The following TTN variants were observed in gnomAD, a reference collection of about 807,000 sequenced individuals.
TTN encodes the protein titin, also known as connectin.
TTN carries 1,525 observed loss-of-function variants against 3,223.0 expected under a neutral mutation model. The observed-to-expected ratio is 0.47, with a 90% CI of 0.45 to 0.49. The LOEUF (loss-of-function observed/expected upper bound fraction) is 0.49, where lower values mean the gene tolerates loss of function less well. TTN is among the 20% of genes least tolerant of loss of function. TTN has a pLI of 0.00. For missense variants in TTN, 40,786 were observed against 43,424.0 expected (o/e 0.94, Z 5.40); for synonymous variants, 14,094 against 15,161.0 (o/e 0.93, Z 5.17).
At position 178,784,114 on chromosome 2, in the gene TTN, C is replaced by T. The variant is rs141961878; in HGVS notation, c.2731G>A (p.Val911Ile). The stretch of plus-strand genomic sequence containing the variant: ...AGTACTTCAAAGCGCTCTTCACGGA[C>T]GGTGGTGCCAGTGATGCTCACCCCT... ...EVGVSITGTT[V>I]REERFEVLHG... Residue 911 changes from valine to isoleucine, a missense_variant, in exon 16 of 363, where the codon GTC (valine) becomes ATC (isoleucine). By Grantham distance (29) the Val-to-Ile change is conservative. Transcript: ENST00000589042. The T allele has an allele frequency of 1.5e-4, 244 of 1,613,890 alleles. No individual in the cohort carries two copies. Among genetic ancestry groups the T allele is most frequent in the Non-Finnish European group, 1.9e-4 (225 of 1,180,004 alleles).
intron 81 of TTN, 41 bp downstream of exon 81, chr2:178,719,942 A>G (rs373581790): frequency 7.7e-6 from 12 of 1,549,876 alleles, no homozygotes; most frequent in African/African-American, 5.5e-5. Flanking sequence ...ATCATGGATC[A>G]AGTAAATTGA....
At chr2:178,675,837 A>C in intron 148 of TTN, 83 bp from the exon 149 acceptor site, 9 of 1,536,552 alleles carry the variant, frequency 5.9e-6, no homozygotes, top group Non-Finnish European at 7.9e-6. Flanking sequence ...AAGTTGTATT[A>C]ACAAATACGG....
chr2:178,710,563 A>T, intron 98 of TTN, 72 bp downstream of exon 98: 1 of 1,492,800 alleles, frequency 6.7e-7, no homozygotes. Flanking sequence ...TCATCATCAT[A>T]AAAACGACAC....
chr2:178,718,041 A>G lies in TTN; in HGVS notation c.24965T>C (p.Val8322Ala). The G allele has an allele frequency of 1.9e-6, 3 of 1,613,820 alleles. No individual in the cohort carries two copies. The highest frequency in any genetic ancestry group is 2.5e-6 in the Non-Finnish European group (3 of 1,179,724). ...MQFKNNVASL[V>A]INKVDHSDVG... ...ATCACTGTGATCCACTTTGTTGATT[A>G]CTAAGGAAGCAACGTTATTTTTGAA... Residue 8322 changes from valine (V) to alanine (A), a missense_variant, in exon 86 of 363, where the codon GTA becomes GCA. Val to Ala is a moderately conservative substitution (Grantham distance 64). Coordinates refer to ENST00000589042, the MANE Select transcript of TTN (RefSeq NM_001267550.2).
chr2:178,770,608 G>C lies in TTN; in HGVS notation c.8184C>G (p.Val2728=), dbSNP rs753356474. 9.9e-6 allele frequency: 16 copies of C among 1,613,980 alleles called. No homozygotes were observed. The highest frequency in any genetic ancestry group is 1.4e-5 in the Non-Finnish European group (16 of 1,180,002). ...VTETQDAVFT[V]ELTHPNVKGV... is the part of the protein sequence containing the mutation. ...CTTTGACATTAGGGTGTGTAAGCTCGACAGTGAAAACAGCATCCTGTGTTT... is the reference window on the plus strand; with the variant it reads ...CTTTGACATTAGGGTGTGTAAGCTCCACAGTGAAAACAGCATCCTGTGTTT... The change falls in exon 35 of 363, where the codon GTC becomes GTG. Residue 2728 remains valine, a synonymous_variant. Transcript: ENST00000589042.
intron 273 of TTN, 95 bp downstream of exon 273, chr2:178,609,113 C>T: frequency 2.2e-6 from 3 of 1,364,174 alleles, no homozygotes; most frequent in Admixed American, 3.2e-5. Flanking sequence ...CTTGCTGAAG[C>T]TATGTCCCAT....
At position 178,652,535 on chromosome 2, in the gene TTN, T is replaced by G; in HGVS notation, c.39050A>C (p.Glu13017Ala). The change falls in exon 202 of 363, where the codon GAG (glutamate) becomes GCG (alanine). Residue 13017 changes from glutamate to alanine, a missense_variant. Glu to Ala is a moderately radical substitution (Grantham distance 107). Coordinates refer to ENST00000589042, the MANE Select transcript of TTN (RefSeq NM_001267550.2). ...TTCAGGAACAACTTCTTTCGGAGCC[T>G]CTGGCACTTAAAAGATATTAGTGAA... Reference protein sequence around the residue: ...KPEVPPVKVPEAPKEVVPEKK... With the variant: ...KPEVPPVKVPAAPKEVVPEKK... 1 of 1,613,400 alleles carries G rather than the reference T, an allele frequency of 6.2e-7. No individual in the cohort carries two copies.
Position 178,558,608 on chromosome 2 carries a change from C to G in TTN, c.86851G>C (p.Val28951Leu), listed in dbSNP as rs878854426. The G allele has an allele frequency of 3.7e-6, 6 of 1,612,352 alleles. No individual in the cohort carries two copies. The Admixed American group carries it at 1.0e-4, about 27-fold the overall frequency. The change falls in exon 327 of 363, where the codon GTA (valine) becomes CTA (leucine). Residue 28951 changes from valine to leucine, a missense_variant. Val to Leu is a conservative substitution (Grantham distance 32, BLOSUM62 1). Coordinates refer to ENST00000589042, the MANE Select transcript of TTN (RefSeq NM_001267550.2). The stretch of plus-strand genomic sequence containing the variant: ...ACACTGTCTTTGGATATACTTGTTA[C>G]TCCAAGTTTTTCAGGTGGGCTTGGT... ...EKPSPPEKLG[V>L]TSISKDSVSL...
Position 178,789,959 on chromosome 2 carries a change from C to A in TTN, c.1938+19G>T. On this transcript the variant is annotated intron_variant, in intron 12 of 362. Coordinates refer to ENST00000589042, the MANE Select transcript of TTN (RefSeq NM_001267550.2). ...TAGTTTAAAGATGAACTTTTCACAG[C>A]TCAAATATCTGTATTCACCTTCTCC... 6.2e-7 allele frequency: 1 copy of A among 1,612,236 alleles called. No individual in the cohort carries two copies. The highest frequency in any genetic ancestry group is 8.5e-7 in the Non-Finnish European group (1 of 1,178,900).
At position 178,729,569 on chromosome 2, in the gene TTN, A is replaced by C; in HGVS notation, c.18590-3T>G. 6.2e-7 allele frequency: 1 copy of C among 1,612,054 alleles called. No homozygotes were observed. Among genetic ancestry groups the C allele is most frequent in the Non-Finnish European group, 8.5e-7 (1 of 1,178,898 alleles). ...CTCTCTGATAAAGGTGGGGGGTTCT[A>C]AAGATTCAAAAGGAAGACAGTAGCT... On this transcript the variant is annotated splice_region_variant and splice_polypyrimidine_tract_variant and intron_variant, in intron 63 of 362. Coordinates refer to ENST00000589042, the MANE Select transcript of TTN (RefSeq NM_001267550.2).
chr2:178,541,435 G>A lies in TTN; in HGVS notation c.97642C>T (p.Arg32548Cys), dbSNP rs377599569. Reference sequence around the variant, plus strand: ...ATTGTCACAGGTACTTTATTTACACGGACCCATCGATCTGCTCTCACTTCT... The same window carrying A: ...ATTGTCACAGGTACTTTATTTACACAGACCCATCGATCTGCTCTCACTTCT... ...RKEVRADRWV[R>C]VNKVPVTMTR... The change falls in exon 350 of 363, where the codon CGT (arginine) becomes TGT (cysteine). Residue 32548 changes from arginine to cysteine, a missense_variant. Coordinates refer to ENST00000589042, the MANE Select transcript of TTN (RefSeq NM_001267550.2). The A allele has an allele frequency of 3.3e-5, 53 of 1,613,228 alleles. No homozygotes were observed. The African/African-American group carries it at 5.5e-4, about 17-fold the overall frequency.
At chr2:178,666,781 T>A in intron 163 of TTN, 43 bp downstream of exon 163, 2 of 1,490,182 alleles carry the variant, frequency 1.3e-6, no homozygotes, top group Non-Finnish European at 1.8e-6. Flanking sequence ...TAAGTACAAC[T>A]GCAAACATGA....
In TTN at chr2:178,729,501, C is replaced by G. The variant is rs72648948; in HGVS notation, c.18655G>C (p.Glu6219Gln). Residue 6219 changes from glutamate (E) to glutamine (Q), a missense_variant, in exon 64 of 363, where the codon GAG becomes CAG. Physicochemically the swap from Glu to Gln is conservative, Grantham distance 29 (BLOSUM62 2). Transcript: ENST00000589042. ...GGAGGTGTTCCCGTAACTTCACACT[C>G]CAGCTCCACGTCACTATATTTTACT... ...EVVKYSDVEL[E>Q]CEVTGTPPFE... The G allele has an allele frequency of 3.7e-6, 6 of 1,613,472 alleles. No homozygotes were observed. In the African/African-American group the frequency reaches 5.3e-5, roughly 14 times the overall value.
At chr2:178,748,477 C>T in intron 47 of TTN, 1 of 1,612,980 alleles carries the variant, frequency 6.2e-7, no homozygotes, top group Non-Finnish European at 8.5e-7. Context: ...AATGTATTTC[C>T]TGCTGTTCCC....
At chr2:178,713,605 T>C in intron 92 of TTN, 1 of 727,418 alleles carries the variant, frequency 1.4e-6, no homozygotes, top group Non-Finnish European at 2.1e-6. Context: ...CTCTTTGCCG[T>C]GAAGAATTAT....
Position 178,589,609 on chromosome 2 carries a change from C to T in TTN, c.62116G>A (p.Glu20706Lys), listed in dbSNP as rs773156172. ...TCATCGGAGCCCTTAAGCCTTCTCT[C>T]AACATGATATGACAGATTTGGACTG... ...GGSPNLSYHVERRLKGSDDWE... is the reference protein window; with the variant it reads ...GGSPNLSYHVKRRLKGSDDWE... The change falls in exon 304 of 363, where the codon GAG (glutamate) becomes AAG (lysine). Residue 20706 changes from glutamate to lysine, a missense_variant. By Grantham distance (56) the Glu-to-Lys change is moderately conservative. Coordinates refer to ENST00000589042, the MANE Select transcript of TTN (RefSeq NM_001267550.2). The T allele has an allele frequency of 6.2e-7, 1 of 1,613,270 alleles. No homozygotes were observed. The highest frequency in any genetic ancestry group is 8.5e-7 in the Non-Finnish European group (1 of 1,179,494).
intron 14 of TTN, 39 bp from the exon 15 acceptor site, chr2:178,785,781 A>G: frequency 1.9e-6 from 3 of 1,614,196 alleles, no homozygotes. Context: ...ATTGATCACC[A>G]GATGACCACA....
intron 47 of TTN, chr2:178,748,534 A>G (rs1402339792): frequency 6.2e-7 from 1 of 1,613,054 alleles, no homozygotes; most frequent in Admixed American, 1.7e-5. Flanking sequence ...CTATATGAGA[A>G]TACATTTGTT....
intron 305 of TTN, 30 bp from the exon 306 acceptor site, chr2:178,587,830 T>C (rs1189289183): frequency 6.4e-7 from 1 of 1,568,334 alleles, no homozygotes. Context: ...CATTAATTGA[T>C]TTTTCAGAAT....
Sources: gnomAD v4.1 joint callset for allele counts on GRCh38, gnomAD v4.1.1 for gene constraint, MANE v1.5 for transcripts, NCBI Gene and HGNC (gene_info 2026-07-23, HGNC 2026-07-21) for gene names.